CIAPIN1: variants seen among roughly 807,000 people sequenced by gnomAD.
The protein encoded by CIAPIN1 is anamorsin.
CIAPIN1 carries 18 observed loss-of-function variants against 34.3 expected under a neutral mutation model. That is an observed-to-expected ratio of 0.52 (90% CI 0.36 to 0.78). The LOEUF is 0.78. CIAPIN1 is among the 30% of genes least tolerant of loss of function. The probability of loss-of-function intolerance (pLI) is 0.00; values close to 1 mark genes in which losing one functional copy is unlikely to be tolerated. For missense variants in CIAPIN1, 310 were observed against 372.5 expected (o/e 0.83, Z 1.38); for synonymous variants, 131 against 140.4 (o/e 0.93, Z 0.47).
chr16:57,432,468 G>T lies in CIAPIN1; in HGVS notation c.630+19C>A. ...GGGGCCTGAAAGAAAGCAATCAAGT[G>T]ACAATGCTGCCAGCTCACCATGCTG... On this transcript the variant is annotated intron_variant, in intron 6 of 8. Coordinates refer to ENST00000394391, the MANE Select transcript of CIAPIN1 (RefSeq NM_020313.4). 6.2e-7 allele frequency: 1 copy of T among 1,612,058 alleles called. No homozygotes were observed. Among genetic ancestry groups the T allele is most frequent in the South Asian group, 1.1e-5 (1 of 90,882 alleles).
chr16:57,436,335 C>T (rs617507), intron 4 of CIAPIN1, among the ~76,000 whole-genome samples: 7,558 of 152,274 alleles, frequency 0.05, 283 homozygotes, highest in African/African-American at 0.1. Flanking sequence ...TGACGCCATT[C>T]TCCTGCCTCA....
chr16:57,440,564 C>T (rs532759655), intron 2 of CIAPIN1, among the ~76,000 whole-genome samples: 14 of 152,062 alleles, frequency 9.2e-5, no homozygotes, highest in Non-Finnish European at 2.9e-5. Flanking sequence ...TCAGACCAGC[C>T]GACACTTAGG....
chr16:57,441,939 G>C (rs1379071374), intron 1 of CIAPIN1, among the ~76,000 whole-genome samples: 1 of 152,230 alleles, frequency 6.6e-6, no homozygotes, highest in Non-Finnish European at 1.5e-5. Context: ...AAATGGATTA[G>C]TTTTATGTTG....
At chr16:57,442,921 T>TG (rs2029902510) in intron 1 of CIAPIN1, among the ~76,000 whole-genome samples, 2 of 152,084 alleles carry the variant, frequency 1.3e-5, no homozygotes, top group African/African-American at 4.8e-5. Flanking sequence ...CCTTATTCTA[T>TG]GAAAACCCTT....
At chr16:57,439,591 G>A (rs759080290) in intron 2 of CIAPIN1, among the ~76,000 whole-genome samples, 11 of 152,210 alleles carry the variant, frequency 7.2e-5, no homozygotes, top group Non-Finnish European at 1.0e-4. Context: ...CGGAGGGACC[G>A]GCTGAAGCCA....
At chr16:57,430,691 T>C in intron 7 of CIAPIN1, 1 of 281,772 alleles carries the variant, frequency 3.5e-6, no homozygotes. Flanking sequence ...TTGTAAATGC[T>C]GGCAGCTTTT....
chr16:57,439,992 A>T (rs1288973455), intron 2 of CIAPIN1, among the ~76,000 whole-genome samples: 1 of 152,276 alleles, frequency 6.6e-6, no homozygotes. Context: ...AGCCAGGCGG[A>T]ACAGAGCCAT....
At chr16:57,443,233 G>C (rs566088774) in intron 1 of CIAPIN1, among the ~76,000 whole-genome samples, 1 of 147,382 alleles carries the variant, frequency 6.8e-6, no homozygotes, top group Non-Finnish European at 1.5e-5. Flanking sequence ...TCTGCCTCCC[G>C]GGTTCAAGCG....
At chr16:57,447,040 C>A (rs1394809360) in intron 1 of CIAPIN1, among the ~76,000 whole-genome samples, 11 of 152,234 alleles carry the variant, frequency 7.2e-5, no homozygotes, top group African/African-American at 2.4e-4. Flanking sequence ...AAGCTCGGAG[C>A]CGTTTCTCCT....
intron 3 of CIAPIN1, among the ~76,000 whole-genome samples, chr16:57,437,123 T>C (rs1302475095): frequency 6.6e-6 from 1 of 152,004 alleles, no homozygotes; most frequent in Admixed American, 6.6e-5. Flanking sequence ...TGAGACTTGA[T>C]CTCAAAGAAA....
intron 1 of CIAPIN1, among the ~76,000 whole-genome samples, chr16:57,446,137 C>G (rs1185371420): frequency 6.6e-6 from 1 of 152,078 alleles, no homozygotes; most frequent in African/African-American, 2.4e-5. Context: ...TGAGCCTGGC[C>G]CAGAATTTTT....
intron 1 of CIAPIN1, among the ~76,000 whole-genome samples, chr16:57,444,337 C>T (rs1278679805): frequency 2.0e-5 from 3 of 152,164 alleles, no homozygotes; most frequent in Non-Finnish European, 2.9e-5. Flanking sequence ...GCAAGGCACT[C>T]GGCAGGCTCT....
chr16:57,446,577 G>A (rs1307060735), intron 1 of CIAPIN1, among the ~76,000 whole-genome samples: 1 of 152,162 alleles, frequency 6.6e-6, no homozygotes, highest in Non-Finnish European at 1.5e-5. Flanking sequence ...CTTCTCTGAT[G>A]ACACCCCCGT....
chr16:57,431,723 A>G (rs1393372415), intron 6 of CIAPIN1, among the ~76,000 whole-genome samples: 1 of 152,220 alleles, frequency 6.6e-6, no homozygotes, highest in African/African-American at 2.4e-5. Context: ...GTAAATGTGT[A>G]GACACTTAGT....
intron 2 of CIAPIN1, 131 bp from the exon 3 acceptor site, chr16:57,439,465 C>G (rs1163890980): frequency 1.4e-5 from 12 of 844,600 alleles, no homozygotes; most frequent in African/African-American, 3.4e-5. Flanking sequence ...ATCCAAGAAG[C>G]TGGATGAATA....
At chr16:57,443,128 G>GTT (rs1324392369) in intron 1 of CIAPIN1, among the ~76,000 whole-genome samples, 49 of 140,162 alleles carry the variant, frequency 3.5e-4, no homozygotes, top group African/African-American at 7.6e-4. Context: ...AATAATTCTG[G>GTT]TTTTGTTTTT....
At chr16:57,432,433 C>T (rs1598022308) in intron 6 of CIAPIN1, 54 bp downstream of exon 6, 1 of 1,538,666 alleles carries the variant, frequency 6.5e-7, no homozygotes, top group Non-Finnish European at 9.0e-7. Flanking sequence ...TAGCTGTTCA[C>T]ACCCAAACTG....
At chr16:57,431,475 G>T in intron 6 of CIAPIN1, 1 of 436,854 alleles carries the variant, frequency 2.3e-6, no homozygotes. Flanking sequence ...GATGCACTAG[G>T]ATGCAAAGGA....
intron 3 of CIAPIN1, among the ~76,000 whole-genome samples, chr16:57,438,569 T>G (rs1471574377): frequency 6.6e-6 from 1 of 152,208 alleles, no homozygotes; most frequent in East Asian, 1.9e-4. Flanking sequence ...TTCTTTTATA[T>G]GTACTCGTTT....
Sources: gnomAD v4.1 joint callset for allele counts (sites outside exome capture counted in the v4.1 genomes callset) on GRCh38, gnomAD v4.1.1 for gene constraint, MANE v1.5 for transcripts, NCBI Gene and HGNC (gene_info 2026-07-23, HGNC 2026-07-21) for gene names.